The following MGAT5 variants were observed in gnomAD, a reference collection of about 807,000 sequenced individuals.
MGAT5 encodes alpha-1,6-mannosylglycoprotein 6-beta-N-acetylglucosaminyltransferase, also known as alpha-1,6-mannosylglycoprotein 6-beta-N-acetylglucosaminyltransferase A.
MGAT5 carries 30 observed loss-of-function variants against 94.3 expected under a neutral mutation model. That is an observed-to-expected ratio of 0.32 (90% CI 0.24 to 0.43). The LOEUF (loss-of-function observed/expected upper bound fraction) is 0.43, where lower values mean the gene tolerates loss of function less well. Ranked by LOEUF, MGAT5 falls within the 20% of genes least tolerant of loss-of-function variation. The pLI is 1.00. For synonymous variants in MGAT5, 310 were observed against 322.9 expected (o/e 0.96, Z 0.43); for missense variants, 691 against 905.5 (o/e 0.76, Z 3.04).
intron 6 of MGAT5, 60 bp downstream of exon 6, chr2:134,338,480 G>T: frequency 6.6e-7 from 1 of 1,512,084 alleles, no homozygotes; most frequent in Non-Finnish European, 8.9e-7. Flanking sequence ...ATTTGATTTT[G>T]CTTGGAAACA....
intron 1 of MGAT5, among the ~76,000 whole-genome samples, chr2:134,127,930 C>G (rs80202084): frequency 6.6e-6 from 1 of 152,222 alleles, no homozygotes; most frequent in Non-Finnish European, 1.5e-5. Flanking sequence ...CAGAGTTCAT[C>G]TTTTAAAATC....
chr2:134,390,991 A>C (rs1388300034), intron 10 of MGAT5, among the ~76,000 whole-genome samples: 1 of 151,898 alleles, frequency 6.6e-6, no homozygotes, highest in Non-Finnish European at 1.5e-5. Flanking sequence ...TTGGACTCCT[A>C]TTTCTTTTAG....
chr2:134,344,945 T>G lies in MGAT5; in HGVS notation c.993T>G (p.Val331=). The change falls in exon 8 of 16, where the codon GTT becomes GTG. Residue 331 remains valine, a synonymous_variant. Coordinates refer to ENST00000281923, the MANE Select transcript of MGAT5 (RefSeq NM_002410.5). ...GTTTCTCTAGAATCATGAAGAAGGT[T>G]GTAGGAAACCGATCTGGCTGCCCAA... ...LAELKEIMKK[V]VGNRSGCPTV... is the part of the protein sequence containing the mutation. The G allele has an allele frequency of 6.2e-7, 1 of 1,613,506 alleles. No individual in the cohort carries two copies. Among genetic ancestry groups the G allele is most frequent in the Non-Finnish European group, 8.5e-7 (1 of 1,179,620 alleles).
chr2:134,326,080 T>C (rs544770112), intron 4 of MGAT5, among the ~76,000 whole-genome samples: 1 of 144,934 alleles, frequency 6.9e-6, no homozygotes, highest in South Asian at 2.2e-4. Context: ...ATGTTAGCAA[T>C]CATTGATCAG....
At chr2:134,350,584 G>A in intron 9 of MGAT5, among the ~76,000 whole-genome samples, 1 of 152,042 alleles carries the variant, frequency 6.6e-6, no homozygotes, top group East Asian at 1.9e-4. Context: ...TAGGCTCTTA[G>A]ACATTTTCTG....
At chr2:134,348,342 G>C (rs3791288) in intron 8 of MGAT5, among the ~76,000 whole-genome samples, 6,724 of 152,222 alleles carry the variant, frequency 0.044, 219 homozygotes, top group South Asian at 0.073. Flanking sequence ...TATTCCGTGA[G>C]AGCCACACAA....
At chr2:134,273,746 A>G (rs1684177647) in intron 2 of MGAT5, among the ~76,000 whole-genome samples, 1 of 152,094 alleles carries the variant, frequency 6.6e-6, no homozygotes, top group Non-Finnish European at 1.5e-5. Context: ...TTTTAATGTG[A>G]AAGTAAATTT....
chr2:134,148,111 G>A lies in MGAT5; in HGVS notation c.-143+27820G>A, dbSNP rs530476190. 5.3e-5 allele frequency among the ~76,000 whole-genome samples: 8 copies of A among 152,190 alleles called. No homozygotes were observed. The South Asian group carries it at 1.7e-3, about 32-fold the overall frequency. Reference sequence around the variant, plus strand: ...TGTGATAACTAAATCTAATTTGTTTGCCTTGTAATCTTTGGTGTTTTATTT... The same window carrying A: ...TGTGATAACTAAATCTAATTTGTTTACCTTGTAATCTTTGGTGTTTTATTT... On this transcript the variant is annotated intron_variant, in intron 1 of 16. Transcript: ENST00000409645.
At position 134,301,088 on chromosome 2, in the gene MGAT5, C is replaced by T. The variant is rs373879606; in HGVS notation, c.407-16441C>T. The stretch of plus-strand genomic sequence containing the variant: ...TCACCATAGGTTAATTTTGCCTGTT[C>T]TTGAGCATCATCAAAATGAAATCTT... On this transcript the variant is annotated intron_variant, in intron 2 of 15. Transcript: ENST00000281923. 2.8e-4 allele frequency among the ~76,000 whole-genome samples: 42 copies of T among 152,224 alleles called. No individual in the cohort carries two copies. In the East Asian group the frequency reaches 7.1e-3, roughly 26 times the overall value.
At position 134,189,597 on chromosome 2, in the gene MGAT5, TTTTTG is replaced by T. The variant is rs1553490339; in HGVS notation, c.-142-64660_-142-64656del. Reference sequence around the variant, plus strand: ...TGACTAACCTCATGGCTCTAGTTTTTTTTTGTTTTTTTTTTTTTTTTTTAAGACAG... The same window carrying T: ...TGACTAACCTCATGGCTCTAGTTTTTTTTTTTTTTTTTTTTTTTAAGACAG... On this transcript the variant is annotated intron_variant, in intron 1 of 16. Coordinates refer to the MGAT5 transcript ENST00000409645. Among the ~76,000 whole-genome samples, 20 of 87,188 alleles carry T rather than the reference TTTTTG, an allele frequency of 2.3e-4. 2 individuals carry two copies. Among genetic ancestry groups the T allele is most frequent in the African/African-American group, 5.5e-4 (12 of 21,624 alleles). 57.2% of individuals were successfully genotyped at this position (87,188 alleles called of 152,430 possible). A position where few individuals can be genotyped will look rare whatever the true frequency, so the allele number is the denominator to read the frequency against.
In MGAT5 at chr2:134,165,501, C is replaced by T. The variant is rs1056195836; in HGVS notation, c.-143+45210C>T. Among the ~76,000 whole-genome samples, 12 of 152,136 alleles carry T rather than the reference C, an allele frequency of 7.9e-5. No homozygotes were observed. In the East Asian group the frequency reaches 1.5e-3, roughly 20 times the overall value. ...TCTAAAAAAATTATCCAGGGCCGGG[C>T]GCGGTGGCTCATGCCTGTAATCTCA... On this transcript the variant is annotated intron_variant, in intron 1 of 16. Coordinates refer to the MGAT5 transcript ENST00000409645.
rs376959136 is a variant in MGAT5 at position 134,389,471 on chromosome 2, C to G, written c.1381-13517C>G. Among the ~76,000 whole-genome samples, 183 of 152,276 alleles carry G rather than the reference C, an allele frequency of 1.2e-3. 10 individuals carry two copies. In the South Asian group the frequency reaches 0.037, roughly 31 times the overall value. On this transcript the variant is annotated intron_variant, in intron 10 of 15. Transcript: ENST00000281923. The stretch of plus-strand genomic sequence containing the variant: ...AAGGCTGTTTCTCACTTTAATTTTT[C>G]TAAGTGGCGTTTAGCCTCAGCCTCT...
At chr2:134,385,164 CAA>C (rs1342438002) in intron 10 of MGAT5, among the ~76,000 whole-genome samples, 1 of 152,148 alleles carries the variant, frequency 6.6e-6, no homozygotes, top group African/African-American at 2.4e-5. Flanking sequence ...GGTTATGAAC[CAA>C]AGTGACTTAC....
chr2:134,437,812 C>G (rs893313363), intron 14 of MGAT5, among the ~76,000 whole-genome samples: 1 of 152,008 alleles, frequency 6.6e-6, no homozygotes, highest in Non-Finnish European at 1.5e-5. Flanking sequence ...GCTAGGAGTT[C>G]GAGGTCAGCC....
chr2:134,250,401 C>A (rs887970021), upstream of MGAT5, among the ~76,000 whole-genome samples: 1 of 152,180 alleles, frequency 6.6e-6, no homozygotes, highest in African/African-American at 2.4e-5. Flanking sequence ...GCTCCAGCAA[C>A]AACTTCTTGA....
chr2:134,149,296 C>CAGTG (rs1687066969), intron 1 of MGAT5, among the ~76,000 whole-genome samples: 1 of 152,152 alleles, frequency 6.6e-6, no homozygotes, highest in Admixed American at 6.5e-5. Flanking sequence ...TGTACAAGAT[C>CAGTG]AGTGACAGGC....
At position 134,137,140 on chromosome 2, in the gene MGAT5, T is replaced by G. The variant is rs535761946; in HGVS notation, c.-143+16849T>G. ...GCCCTAAATACACATTAACCCCCTG[T>G]TTTCCTCTTGGTATGCTTTAAGGTT... is the stretch of plus-strand genomic sequence containing the variant. On this transcript the variant is annotated intron_variant, in intron 1 of 16. Coordinates refer to the MGAT5 transcript ENST00000409645. Among the ~76,000 whole-genome samples the G allele has an allele frequency of 1.8e-3, 269 of 152,336 alleles. 1 individual carries two copies. Among genetic ancestry groups the G allele is most frequent in the Non-Finnish European group, 2.6e-3 (178 of 68,026 alleles).
At chr2:134,147,190 GT>G (rs1686958800) in intron 1 of MGAT5, among the ~76,000 whole-genome samples, 1 of 152,122 alleles carries the variant, frequency 6.6e-6, no homozygotes, top group Non-Finnish European at 1.5e-5. Flanking sequence ...TGGGATAATG[GT>G]ACAGCATGGA....
In MGAT5 at chr2:134,362,868, C is replaced by T. The variant is rs1273129662; in HGVS notation, c.1380+460C>T. ...TCCTCTTGGCTATAGTCACTACTCA[C>T]CTGACGTAGAAAGTAAATTCTTGCT... On this transcript the variant is annotated intron_variant, in intron 10 of 15. Coordinates refer to ENST00000281923, the MANE Select transcript of MGAT5 (RefSeq NM_002410.5). Among the ~76,000 whole-genome samples the T allele has an allele frequency of 4.6e-5, 7 of 152,350 alleles. No homozygotes were observed. In the East Asian group the frequency reaches 1.2e-3, roughly 25 times the overall value.
Sources: allele counts gnomAD v4.1 joint callset (sites outside exome capture counted in the v4.1 genomes callset), GRCh38; gene constraint gnomAD v4.1.1; transcripts MANE v1.5; gene names NCBI Gene and HGNC (gene_info 2026-07-23, HGNC 2026-07-21).